The following MET variants were observed in gnomAD, a reference collection of about 807,000 sequenced individuals.
The protein encoded by MET is MET proto-oncogene, receptor tyrosine kinase, also known as hepatocyte growth factor receptor.
A neutral mutation model predicts 133.1 loss-of-function variants in MET; 48 were observed. The ratio of observed to expected loss-of-function variants is 0.36; its 90% confidence interval spans 0.29 to 0.46. The LOEUF (loss-of-function observed/expected upper bound fraction) is 0.46, where lower values mean the gene tolerates loss of function less well. MET is among the 20% of genes least tolerant of loss of function. The pLI is 1.00. For synonymous variants in MET, 628 were observed against 616.5 expected (o/e 1.02, Z -0.28); for missense variants, 1,442 against 1,695.9 (o/e 0.85, Z 2.63).
intron 15 of MET, among the ~76,000 whole-genome samples, chr7:116,776,760 T>A (rs1444670424): frequency 6.6e-6 from 1 of 152,200 alleles, no homozygotes; most frequent in African/African-American, 2.4e-5. Flanking sequence ...GATAAAAGGC[T>A]ACCATTGGGA....
rs779724665 is a variant in MET at position 116,700,170 on chromosome 7, G to A, written c.1086G>A (p.Met362Ile). 4 of 1,595,500 alleles carry A rather than the reference G, an allele frequency of 2.5e-6. No homozygotes were observed. Among genetic ancestry groups the A allele is most frequent in the Non-Finnish European group, 3.4e-6 (4 of 1,172,236 alleles). ...CCGAACCAATGGATCGATCTGCCATGTGTGCATTCCCTATCAAATATGTCA... is the reference window on the plus strand; with the variant it reads ...CCGAACCAATGGATCGATCTGCCATATGTGCATTCCCTATCAAATATGTCA... The part of the protein sequence containing the change: ...DSAEPMDRSA[M>I]CAFPIKYVND... Residue 362 changes from methionine (M) to isoleucine (I), a missense_variant, in exon 2 of 21, where the codon ATG becomes ATA. Transcript: ENST00000397752.
rs752013993 is a variant in MET, at chr7:116,769,779, G to A, written c.2718G>A (p.Glu906=). The A allele has an allele frequency of 3.1e-6, 5 of 1,613,822 alleles. No homozygotes were observed. The highest frequency in any genetic ancestry group is 1.1e-5 in the South Asian group (1 of 91,066). ...ATGACCTGCTGAAATTGAACAGCGAGCTAAATATAGAGGTGGGATTCCTGC... is the reference window on the plus strand; with the variant it reads ...ATGACCTGCTGAAATTGAACAGCGAACTAAATATAGAGGTGGGATTCCTGC... ...VPNDLLKLNS[E]LNIEWKQAIS... Residue 906 remains glutamate, a synonymous_variant, in exon 12 of 21, where the codon GAG becomes GAA. Transcript: ENST00000397752.
At chr7:116,766,602 A>C (rs1161677915) in intron 11 of MET, among the ~76,000 whole-genome samples, 5 of 152,198 alleles carry the variant, frequency 3.3e-5, no homozygotes, top group Non-Finnish European at 7.3e-5. Context: ...GAGTCCAGAC[A>C]GGATAAAAGT....
At chr7:116,763,659 T>A (rs1342637662) in intron 11 of MET, among the ~76,000 whole-genome samples, 1 of 152,240 alleles carries the variant, frequency 6.6e-6, no homozygotes, top group Non-Finnish European at 1.5e-5. Context: ...CCGTTCTTCC[T>A]TGTAATACTT....
intron 1 of MET, among the ~76,000 whole-genome samples, chr7:116,680,236 G>A (rs2116469913): frequency 6.6e-6 from 1 of 152,278 alleles, no homozygotes; most frequent in East Asian, 1.9e-4. Context: ...TATTTATACA[G>A]CTTTGTTTAG....
intron 1 of MET, among the ~76,000 whole-genome samples, chr7:116,677,093 A>G (rs1356911511): frequency 1.3e-5 from 2 of 151,520 alleles, no homozygotes; most frequent in Non-Finnish European, 2.9e-5. Context: ...CCATTCAGAC[A>G]ATTTTCCTTC....
intron 17 of MET, among the ~76,000 whole-genome samples, chr7:116,781,784 C>T (rs1795161687): frequency 6.6e-6 from 1 of 152,144 alleles, no homozygotes; most frequent in South Asian, 2.1e-4. Flanking sequence ...CACTGTGTTG[C>T]CCAGGCTGAT....
chr7:116,696,902 A>G (rs1202354861), intron 1 of MET, among the ~76,000 whole-genome samples: 3 of 152,212 alleles, frequency 2.0e-5, no homozygotes, highest in Non-Finnish European at 4.4e-5. Flanking sequence ...CCGCTTTCCC[A>G]GTCAAGGCAG....
intron 3 of MET, among the ~76,000 whole-genome samples, chr7:116,735,142 C>G (rs763921739): frequency 1.3e-5 from 2 of 152,180 alleles, no homozygotes; most frequent in Non-Finnish European, 2.9e-5. Context: ...ACTGTGCCTG[C>G]TCCCAATGGC....
intron 2 of MET, among the ~76,000 whole-genome samples, chr7:116,701,636 T>A (rs1791586264): frequency 6.6e-6 from 1 of 152,148 alleles, no homozygotes; most frequent in Non-Finnish European, 1.5e-5. Flanking sequence ...TAAGACTTAT[T>A]TCCCCCTACA....
At chr7:116,761,117 T>C (rs966382443) in intron 10 of MET, among the ~76,000 whole-genome samples, 6 of 152,218 alleles carry the variant, frequency 3.9e-5, no homozygotes, top group African/African-American at 1.4e-4. Context: ...ACACTCAGAA[T>C]GCCTTAGCTT....
At position 116,699,448 on chromosome 7, in the gene MET, G is replaced by T; in HGVS notation, c.364G>T (p.Val122Phe). ...WKDNINMALV[V>F]DTYYDDQLIS... ...AGATAACATCAACATGGCTCTAGTT[G>T]TCGACACCTACTATGATGATCAACT... is the stretch of plus-strand genomic sequence containing the variant. Residue 122 changes from valine (V) to phenylalanine (F), a missense_variant, in exon 2 of 21, where the codon GTC becomes TTC. By Grantham distance (50) the Val-to-Phe change is conservative. Around this residue, in one of 6 missense-constraint regions of MET, gnomAD observed 762 missense variants for 792.4 expected, o/e 0.96. Transcript: ENST00000397752. 6.2e-7 allele frequency: 1 copy of T among 1,613,994 alleles called. No individual in the cohort carries two copies. The highest frequency in any genetic ancestry group is 2.2e-5 in the East Asian group (1 of 44,878).
intron 8 of MET, among the ~76,000 whole-genome samples, chr7:116,758,075 A>G (rs1437468055): frequency 1.3e-5 from 2 of 152,178 alleles, no homozygotes; most frequent in Admixed American, 6.6e-5. Context: ...GGTCATTGAT[A>G]ATAATTTAAA....
At chr7:116,737,757 C>T (rs1793276802) in intron 3 of MET, among the ~76,000 whole-genome samples, 1 of 152,086 alleles carries the variant, frequency 6.6e-6, no homozygotes, top group South Asian at 2.1e-4. Flanking sequence ...ATCAATCAAT[C>T]CAAGTCCAGA....
At chr7:116,759,685 T>C (rs1440844359) in intron 10 of MET, 195 bp downstream of exon 10, 2 of 648,860 alleles carry the variant, frequency 3.1e-6, no homozygotes, top group Admixed American at 2.1e-5. Flanking sequence ...GTGGAAAAAA[T>C]ACATACACAT....
In MET at chr7:116,741,100, T is replaced by G. The variant is rs553431706; in HGVS notation, c.1701+75T>G. The G allele has an allele frequency of 6.0e-3, 9,227 of 1,545,022 alleles. 40 individuals are homozygous for G. The highest frequency in any genetic ancestry group is 7.5e-3 in the Non-Finnish European group (8,554 of 1,138,040). ...TTTTTTTTTGGTTTGGTTTGGTTTG[T>G]TTTTTGTTTTTTTAGATACAAATCC... On this transcript the variant is annotated intron_variant, in intron 5 of 20. Coordinates refer to ENST00000397752, the MANE Select transcript of MET (RefSeq NM_000245.4).
At position 116,705,777 on chromosome 7, in the gene MET, C is replaced by T. The variant is rs148685174; in HGVS notation, c.1200+5493C>T. ...AGACACTACTTCATCCTCTCATAGGCTCAGGGAGTCACTGCTTCCTAACTT... is the reference window on the plus strand; with the variant it reads ...AGACACTACTTCATCCTCTCATAGGTTCAGGGAGTCACTGCTTCCTAACTT... On this transcript the variant is annotated intron_variant, in intron 2 of 20. Coordinates refer to ENST00000397752, the MANE Select transcript of MET (RefSeq NM_000245.4). 7.6e-3 allele frequency among the ~76,000 whole-genome samples: 1,159 copies of T among 152,160 alleles called. 21 individuals are homozygous for T. Among genetic ancestry groups the T allele is most frequent in the African/African-American group, 0.026 (1,092 of 41,526 alleles).
intron 6 of MET, among the ~76,000 whole-genome samples, chr7:116,755,941 T>C (rs976895506): frequency 6.6e-6 from 1 of 152,216 alleles, no homozygotes. Context: ...CTCAGAAATG[T>C]AGTGAGGCAG....
At chr7:116,713,594 G>T (rs1792085194) in intron 2 of MET, among the ~76,000 whole-genome samples, 2 of 152,102 alleles carry the variant, frequency 1.3e-5, no homozygotes, top group Non-Finnish European at 1.5e-5. Context: ...AGGGACCTTG[G>T]CTGCTGAGAA....
Sources: allele counts gnomAD v4.1 joint callset (sites outside exome capture counted in the v4.1 genomes callset), GRCh38; gene constraint gnomAD v4.1.1; regional missense constraint gnomAD v4.1.1; transcripts MANE v1.5; gene names NCBI Gene and HGNC (gene_info 2026-07-23, HGNC 2026-07-21).